The following NEXMIF variants were observed in gnomAD, a reference collection of about 807,000 sequenced individuals.
NEXMIF encodes XLMR protein related to neurite extension.
In NEXMIF, 8 loss-of-function variants were observed where a neutral mutation model predicts 62.1. The observed-to-expected ratio is 0.13, with a 90% CI of 0.08 to 0.23. The LOEUF (loss-of-function observed/expected upper bound fraction) is 0.23, where lower values mean the gene tolerates loss of function less well. Among genes scored for constraint, NEXMIF ranks in the 10% least tolerant of loss-of-function variants. The probability of loss-of-function intolerance (pLI) is 1.00; values close to 1 mark genes in which losing one functional copy is unlikely to be tolerated. For missense variants in NEXMIF, 976 were observed against 1,113.3 expected, an observed-to-expected ratio of 0.88 and a Z score of 1.75; for synonymous variants, 404 against 416.6, an observed-to-expected ratio of 0.97 and a Z score of 0.37.
rs1342862346 is a variant in NEXMIF at position 74,764,130 on chromosome X, G to C, written c.-47-18433C>G. On this transcript the variant is annotated intron_variant, in intron 1 of 3. Transcript: ENST00000055682. Reference sequence around the variant, plus strand: ...TGTCATAGATAGCTCTTATTATTTTGAGATATGTCCCATCAATACCTAATT... The same window carrying C: ...TGTCATAGATAGCTCTTATTATTTTCAGATATGTCCCATCAATACCTAATT... 2.7e-5 allele frequency among the ~76,000 whole-genome samples: 3 copies of C among 111,608 alleles called. No individual in the cohort carries two copies. In the East Asian group the frequency reaches 8.5e-4, roughly 31 times the overall value.
chrX:74,839,065 C>A (rs1431584433), intron 1 of NEXMIF, among the ~76,000 whole-genome samples: 1 of 111,812 alleles, frequency 8.9e-6, no homozygotes, highest in Non-Finnish European at 1.9e-5. Context: ...GCATCCCCTA[C>A]CTTGTGATAA....
chrX:74,821,308 C>A (rs1480988741), intron 1 of NEXMIF, among the ~76,000 whole-genome samples: 1 of 111,519 alleles, frequency 9.0e-6, no homozygotes, highest in Non-Finnish European at 1.9e-5. Flanking sequence ...TTATACTCAC[C>A]TTGACTCCTG....
chrX:74,891,126 A>T (rs2080716347), intron 1 of NEXMIF, among the ~76,000 whole-genome samples: 1 of 111,181 alleles, frequency 9.0e-6, no homozygotes, highest in African/African-American at 3.3e-5. Context: ...CAATTCATTG[A>T]AAGTTTTTTT....
At position 74,744,772 on chromosome X, in the gene NEXMIF, A is replaced by C. The variant is rs1209995094; in HGVS notation, c.80-295T>G. 4.5e-5 allele frequency among the ~76,000 whole-genome samples: 5 copies of C among 111,873 alleles called. No individual in the cohort carries two copies. In the East Asian group the frequency reaches 1.1e-3, roughly 25 times the overall value. Reference sequence around the variant, plus strand: ...GGACTGCTTGATCAATTGGAAAGTCAAGGCTTTCAAGGGGAAAATGCTCAG... The same window carrying C: ...GGACTGCTTGATCAATTGGAAAGTCCAGGCTTTCAAGGGGAAAATGCTCAG... On this transcript the variant is annotated intron_variant, in intron 2 of 3. Transcript: ENST00000055682.
At chrX:74,823,438 C>T (rs763694424) in intron 1 of NEXMIF, among the ~76,000 whole-genome samples, 2 of 111,545 alleles carry the variant, frequency 1.8e-5, no homozygotes, top group Non-Finnish European at 3.8e-5. Flanking sequence ...GACTGAGGAA[C>T]TATTCTGAGT....
At chrX:74,782,848 T>C (rs1043605825) in intron 1 of NEXMIF, among the ~76,000 whole-genome samples, 1 of 111,802 alleles carries the variant, frequency 8.9e-6, no homozygotes, top group African/African-American at 3.3e-5. Flanking sequence ...GGCAGTGTGG[T>C]GGAGAATTTA....
intron 1 of NEXMIF, among the ~76,000 whole-genome samples, chrX:74,832,270 G>C (rs1170474861): frequency 9.0e-6 from 1 of 111,288 alleles, no homozygotes; most frequent in Non-Finnish European, 1.9e-5. Flanking sequence ...TTATGGTTTT[G>C]ATCTCATTAC....
intron 1 of NEXMIF, among the ~76,000 whole-genome samples, chrX:74,766,922 G>A (rs1378004326): frequency 1.8e-5 from 2 of 111,932 alleles, no homozygotes; most frequent in African/African-American, 6.5e-5. Flanking sequence ...TGGTTGTGCT[G>A]CAGTCCTAGG....
chrX:74,782,827 T>A (rs2080250777), intron 1 of NEXMIF, among the ~76,000 whole-genome samples: 1 of 112,107 alleles, frequency 8.9e-6, no homozygotes, highest in Non-Finnish European at 1.9e-5. Flanking sequence ...CTATCTGGCC[T>A]GGGTAAGGGA....
intron 1 of NEXMIF, among the ~76,000 whole-genome samples, chrX:74,827,994 G>A (rs1569350930): frequency 9.0e-6 from 1 of 111,670 alleles, no homozygotes; most frequent in African/African-American, 3.3e-5. Flanking sequence ...TTATGTAGTG[G>A]AAAAAATAGC....
chrX:74,751,057 G>A (rs185921419), intron 1 of NEXMIF, among the ~76,000 whole-genome samples: 1,172 of 110,819 alleles, frequency 0.011, 17 homozygotes, highest in African/African-American at 0.036. Flanking sequence ...GGGAAACCCC[G>A]TCTCTACAAA....
chrX:74,769,545 G>A (rs754032524), intron 1 of NEXMIF: 12 of 381,033 alleles, frequency 3.1e-5, no homozygotes, highest in Non-Finnish European at 4.6e-5. Flanking sequence ...CTTGAGCTCC[G>A]GAGCACTGGC....
intron 1 of NEXMIF, among the ~76,000 whole-genome samples, chrX:74,767,131 C>T (rs2080197283): frequency 8.9e-6 from 1 of 112,423 alleles, no homozygotes; most frequent in African/African-American, 3.2e-5. Flanking sequence ...AGCTCTGTCC[C>T]AGGGAGCTGC....
chrX:74,755,679 C>A (rs761997096), intron 1 of NEXMIF, among the ~76,000 whole-genome samples: 5 of 111,900 alleles, frequency 4.5e-5, no homozygotes, highest in African/African-American at 1.6e-4. Context: ...GCAATCCATG[C>A]CAAGTGGTAA....
chrX:74,837,547 CA>C (rs955658874), intron 1 of NEXMIF, among the ~76,000 whole-genome samples: 2 of 112,204 alleles, frequency 1.8e-5, no homozygotes, highest in Non-Finnish European at 3.8e-5. Flanking sequence ...TTTTACAATT[CA>C]GCCCCTCCAA....
chrX:74,770,869 G>A (rs2080208071), intron 1 of NEXMIF, among the ~76,000 whole-genome samples: 1 of 111,851 alleles, frequency 8.9e-6, no homozygotes, highest in Non-Finnish European at 1.9e-5. Context: ...ACAGTAGACT[G>A]ATATTTATAA....
At chrX:74,790,868 G>T (rs1193749873) in intron 1 of NEXMIF, among the ~76,000 whole-genome samples, 5 of 110,492 alleles carry the variant, frequency 4.5e-5, no homozygotes, top group Admixed American at 9.6e-5. Context: ...AGCTTAAGGA[G>T]ATTTTGGGCT....
At chrX:74,768,539 A>G (rs2080201292) in intron 1 of NEXMIF, among the ~76,000 whole-genome samples, 1 of 112,345 alleles carries the variant, frequency 8.9e-6, no homozygotes, top group South Asian at 3.7e-4. Context: ...GTTAGACCAC[A>G]ATGGAAAGTA....
chrX:74,784,960 T>C (rs2080256395), intron 1 of NEXMIF, among the ~76,000 whole-genome samples: 1 of 111,525 alleles, frequency 9.0e-6, no homozygotes, highest in Non-Finnish European at 1.9e-5. Context: ...TCAAGTACGC[T>C]TCCCCGGCAG....
Sources: gnomAD v4.1 joint callset for allele counts (sites outside exome capture counted in the v4.1 genomes callset) on GRCh38, gnomAD v4.1.1 for gene constraint, MANE v1.5 for transcripts, NCBI Gene and HGNC (gene_info 2026-07-23, HGNC 2026-07-21) for gene names.